FRMD4B: variants seen among roughly 807,000 people sequenced by gnomAD.
FRMD4B encodes the protein FERM domain containing 4B, also known as FERM domain-containing protein 4B.
FRMD4B carries 74 observed loss-of-function variants against 141.5 expected under a neutral mutation model. The observed-to-expected ratio is 0.52, with a 90% confidence interval of 0.43 to 0.63. FRMD4B has a LOEUF of 0.63. Among genes scored for constraint, FRMD4B ranks in the 30% least tolerant of loss-of-function variants. The probability of loss-of-function intolerance (pLI) is 0.00; values close to 1 mark genes in which losing one functional copy is unlikely to be tolerated. For missense variants in FRMD4B, 1,366 were observed against 1,253.4 expected (o/e 1.09, Z -1.36); for synonymous variants, 506 against 467.9 (o/e 1.08, Z -1.05).
chr3:69,359,249 C>T lies in FRMD4B; in HGVS notation c.162+26579G>A, dbSNP rs201832559. ...GGACATGATAAAGAGGGGTGGAGAA[C>T]GCTGTATGGGGAGAGTGAGCTCCTG... On this transcript the variant is annotated intron_variant, in intron 1 of 22. Coordinates refer to ENST00000398540, the MANE Select transcript of FRMD4B (RefSeq NM_015123.3). 4.3e-4 allele frequency among the ~76,000 whole-genome samples: 65 copies of T among 152,116 alleles called. No homozygotes were observed. The East Asian group carries it at 4.8e-3, about 11-fold the overall frequency.
chr3:69,511,437 A>C (rs1706685110), intron 1 of FRMD4B, among the ~76,000 whole-genome samples: 1 of 152,200 alleles, frequency 6.6e-6, no homozygotes, highest in Admixed American at 6.5e-5. Flanking sequence ...GACGGGAAGC[A>C]GCAAGAAGAA....
chr3:69,489,901 G>GA (rs1431614017), intron 1 of FRMD4B, among the ~76,000 whole-genome samples: 1 of 152,154 alleles, frequency 6.6e-6, no homozygotes, highest in Non-Finnish European at 1.5e-5. Context: ...ATTCAGTAAT[G>GA]AAAAGTAATA....
At chr3:69,378,753 G>A (rs1031563035) in intron 1 of FRMD4B, among the ~76,000 whole-genome samples, 3 of 151,894 alleles carry the variant, frequency 2.0e-5, no homozygotes, top group Non-Finnish European at 4.4e-5. Context: ...TTCAAGTTCA[G>A]GCATTATTCT....
intron 2 of FRMD4B, among the ~76,000 whole-genome samples, chr3:69,426,845 G>C (rs1705087697): frequency 6.6e-6 from 1 of 152,188 alleles, no homozygotes; most frequent in African/African-American, 2.4e-5. Flanking sequence ...ACTTGGCTGA[G>C]AAACAGGAGG....
At chr3:69,463,880 A>G (rs1260070849) in intron 1 of FRMD4B, among the ~76,000 whole-genome samples, 3 of 152,162 alleles carry the variant, frequency 2.0e-5, no homozygotes, top group African/African-American at 7.2e-5. Flanking sequence ...ACAGCTTTGA[A>G]AGGCTATTAG....
At chr3:69,213,739 T>A (rs2093111014) in intron 11 of FRMD4B, among the ~76,000 whole-genome samples, 1 of 151,682 alleles carries the variant, frequency 6.6e-6, no homozygotes, top group African/African-American at 2.4e-5. Context: ...CATAGTTCAT[T>A]GCAGCCTCAA....
intron 21 of FRMD4B, among the ~76,000 whole-genome samples, chr3:69,177,291 A>T (rs1055660669): frequency 5.3e-5 from 8 of 152,180 alleles, no homozygotes; most frequent in Non-Finnish European, 8.8e-5. Context: ...GTGAACCAAC[A>T]TCACACCACT....
chr3:69,438,584 A>C (rs1705296508), intron 1 of FRMD4B, among the ~76,000 whole-genome samples: 1 of 152,202 alleles, frequency 6.6e-6, no homozygotes, highest in Non-Finnish European at 1.5e-5. Context: ...CAATTTCAAT[A>C]CTTGGAAGGC....
At chr3:69,505,640 A>G (rs1706583066) in intron 1 of FRMD4B, among the ~76,000 whole-genome samples, 1 of 152,230 alleles carries the variant, frequency 6.6e-6, no homozygotes, top group African/African-American at 2.4e-5. Context: ...CCAAGGTTTC[A>G]TAGCACCTAA....
intron 1 of FRMD4B, among the ~76,000 whole-genome samples, chr3:69,540,652 T>TACACAC (rs1411118617): frequency 4.4e-4 from 36 of 82,020 alleles, no homozygotes; most frequent in South Asian, 2.7e-3. Flanking sequence ...TATATATATA[T>TACACAC]ATATATATAC....
At chr3:69,528,500 G>A (rs552879468) in intron 1 of FRMD4B, among the ~76,000 whole-genome samples, 14 of 152,058 alleles carry the variant, frequency 9.2e-5, no homozygotes, top group Admixed American at 7.2e-4. Flanking sequence ...GAGTAGCTGC[G>A]ACTACAGGCC....
intron 1 of FRMD4B, among the ~76,000 whole-genome samples, chr3:69,503,734 A>G (rs1706543696): frequency 6.6e-6 from 1 of 152,174 alleles, no homozygotes; most frequent in African/African-American, 2.4e-5. Context: ...ATGCCCCATC[A>G]TGCATGCTTC....
At chr3:69,352,500 C>T (rs528507495) in intron 1 of FRMD4B, among the ~76,000 whole-genome samples, 1 of 152,146 alleles carries the variant, frequency 6.6e-6, no homozygotes, top group Non-Finnish European at 1.5e-5. Flanking sequence ...CCTTCTATCC[C>T]CAGGAGTTTT....
At chr3:69,387,957 C>A (rs949844857), upstream of FRMD4B, among the ~76,000 whole-genome samples, 4 of 151,668 alleles carry the variant, frequency 2.6e-5, no homozygotes, top group African/African-American at 9.7e-5. Context: ...AACGATGAAT[C>A]TGAATATAAT....
At chr3:69,478,819 A>C (rs1019198410) in intron 1 of FRMD4B, among the ~76,000 whole-genome samples, 1 of 151,890 alleles carries the variant, frequency 6.6e-6, no homozygotes, top group South Asian at 2.1e-4. Flanking sequence ...AAAGTCTCCC[A>C]TTATTATTGT....
chr3:69,203,576 T>C (rs966457302), intron 11 of FRMD4B, among the ~76,000 whole-genome samples: 6 of 152,308 alleles, frequency 3.9e-5, no homozygotes, highest in Admixed American at 2.0e-4. Context: ...CCAAGTCAGA[T>C]TGCCTTGGTT....
chr3:69,172,586 C>T (rs1376526281), intron 22 of FRMD4B, among the ~76,000 whole-genome samples: 1 of 152,174 alleles, frequency 6.6e-6, no homozygotes, highest in Non-Finnish European at 1.5e-5. Flanking sequence ...ATGCTAGATG[C>T]TTTCCTCAGG....
At chr3:69,323,165 G>A (rs1455405216) in intron 1 of FRMD4B, 1 of 164,450 alleles carries the variant, frequency 6.1e-6, no homozygotes, top group East Asian at 1.9e-4. Flanking sequence ...GTTTGCCAAA[G>A]CTGAAATTGA....
At chr3:69,431,510 C>T (rs542808086) in intron 2 of FRMD4B, among the ~76,000 whole-genome samples, 24 of 152,308 alleles carry the variant, frequency 1.6e-4, no homozygotes, top group Admixed American at 1.2e-3. Flanking sequence ...GTACACTTTA[C>T]TCAATGATAA....
Sources: gnomAD v4.1 joint callset for allele counts (sites outside exome capture counted in the v4.1 genomes callset) on GRCh38, gnomAD v4.1.1 for gene constraint, MANE v1.5 for transcripts, NCBI Gene and HGNC (gene_info 2026-07-23, HGNC 2026-07-21) for gene names.